Variants in SLC6A17 observed in about 807,000 individuals in gnomAD.
The protein encoded by SLC6A17 is sodium-dependent neutral amino acid transporter SLC6A17.
In SLC6A17, 21 loss-of-function variants were observed where a neutral mutation model predicts 64.5. The observed-to-expected ratio is 0.33, with a 90% CI of 0.23 to 0.47. The LOEUF (loss-of-function observed/expected upper bound fraction) is 0.47. Among genes scored for constraint, SLC6A17 ranks in the 20% least tolerant of loss-of-function variants. The pLI, the probability that SLC6A17 is intolerant of heterozygous loss-of-function variation, is 1.00. For synonymous variants in SLC6A17, 372 were observed against 399.5 expected (o/e 0.93, Z 0.82); for missense variants, 682 against 963.2 (o/e 0.71, Z 3.86).
At chr1:110,170,853 G>A (rs1656204545) in intron 2 of SLC6A17, among the ~76,000 whole-genome samples, 1 of 151,828 alleles carries the variant, frequency 6.6e-6, no homozygotes, top group Non-Finnish European at 1.5e-5. Context: ...TGTGGTGTGT[G>A]TGTGTGTGTG....
intron 1 of SLC6A17, chr1:110,166,084 G>A (rs141283893): frequency 2.0e-5 from 3 of 152,344 alleles, no homozygotes; most frequent in African/African-American, 7.2e-5. Flanking sequence ...GCTGAAGGAT[G>A]GAGAACCAGC....
chr1:110,168,299 TAAC>T (rs1043611753), intron 2 of SLC6A17: 6 of 152,232 alleles, frequency 3.9e-5, no homozygotes, highest in African/African-American at 1.4e-4. Context: ...TCTTGCCATG[TAAC>T]CTTTTCCAAA....
intron 6 of SLC6A17, among the ~76,000 whole-genome samples, chr1:110,183,404 T>C (rs1296027762): frequency 6.6e-6 from 1 of 152,144 alleles, no homozygotes; most frequent in African/African-American, 2.4e-5. Context: ...TGATATGAAA[T>C]GTCCAGAATA....
intron 1 of SLC6A17, among the ~76,000 whole-genome samples, chr1:110,152,525 G>C (rs1173532062): frequency 6.6e-6 from 1 of 152,226 alleles, no homozygotes; most frequent in East Asian, 1.9e-4. Flanking sequence ...CTCTGAAGGA[G>C]CTAAGCAGAG....
In SLC6A17 at chr1:110,197,505, T is replaced by C; in HGVS notation, c.1721T>C (p.Phe574Ser). Residue 574 changes from phenylalanine to serine, a missense_variant, in exon 11 of 12, where the codon TTC (phenylalanine) becomes TCC (serine). This residue lies in a region of SLC6A17 where 264 missense variants were observed against 339.5 expected (regional missense o/e 0.78). Transcript: ENST00000331565. ...PYRFYFYMWK[F>S]VSPLCMAVLT... ...CGCTTCTATTTCTACATGTGGAAGT[T>C]CGTGTCTCCACTATGCATGGCTGTG... 1.2e-6 allele frequency: 2 copies of C among 1,613,852 alleles called. No homozygotes were observed. Among genetic ancestry groups the C allele is most frequent in the Non-Finnish European group, 1.7e-6 (2 of 1,179,960 alleles).
intron 6 of SLC6A17, among the ~76,000 whole-genome samples, chr1:110,184,512 C>T (rs1656626848): frequency 6.6e-6 from 1 of 152,164 alleles, no homozygotes; most frequent in Non-Finnish European, 1.5e-5. Flanking sequence ...CTGGAGAGGT[C>T]GGTACTCTCA....
rs1656838613 is a variant in SLC6A17, at chr1:110,192,002, C to T, written c.895C>T (p.Arg299Trp). 4.3e-6 allele frequency: 7 copies of T among 1,613,636 alleles called. No homozygotes were observed. Among genetic ancestry groups the T allele is most frequent in the African/African-American group, 1.3e-5 (1 of 74,904 alleles). ...CAAGATGCTGGACCCCCAGGTGTGG[C>T]GGGAGGCAGCTACCCAGGTCTTCTT... Reference protein sequence around the residue: ...LDKMLDPQVWREAATQVFFAL... With the variant: ...LDKMLDPQVWWEAATQVFFAL... Residue 299 changes from arginine (R) to tryptophan (W), a missense_variant, in exon 7 of 12, where the codon CGG becomes TGG. Arg to Trp is a moderately radical substitution (Grantham distance 101). Coordinates refer to ENST00000331565, the MANE Select transcript of SLC6A17 (RefSeq NM_001010898.4). The surrounding 1 kb of genome is among the most constrained non-coding windows in gnomAD (Gnocchi z 4.3).
chr1:110,193,328 G>A (rs1030609325), intron 8 of SLC6A17, among the ~76,000 whole-genome samples: 6 of 152,198 alleles, frequency 3.9e-5, no homozygotes, highest in African/African-American at 1.4e-4. Context: ...ATGACTCTTA[G>A]ACTTTAGGGT....
chr1:110,173,365 G>A (rs1656290839), intron 3 of SLC6A17, among the ~76,000 whole-genome samples: 1 of 152,204 alleles, frequency 6.6e-6, no homozygotes, highest in African/African-American at 2.4e-5. Context: ...CCTGCCCATA[G>A]AAACATTGCT....
At chr1:110,183,769 G>A (rs1656592184) in intron 6 of SLC6A17, among the ~76,000 whole-genome samples, 1 of 152,186 alleles carries the variant, frequency 6.6e-6, no homozygotes, top group South Asian at 2.1e-4. Flanking sequence ...ACGCTGGCAG[G>A]TGAGATGCTG....
intron 6 of SLC6A17, among the ~76,000 whole-genome samples, chr1:110,183,577 G>A (rs1266250117): frequency 3.9e-5 from 6 of 152,138 alleles, no homozygotes; most frequent in African/African-American, 1.4e-4. Flanking sequence ...AGTGTGATAC[G>A]CTAAAAACGA....
intron 6 of SLC6A17, among the ~76,000 whole-genome samples, chr1:110,184,795 A>T (rs1461214508): frequency 6.6e-6 from 1 of 152,222 alleles, no homozygotes; most frequent in African/African-American, 2.4e-5. Context: ...GTATATGTGT[A>T]TGTAATGTAT....
chr1:110,185,251 G>T (rs1464856010), intron 6 of SLC6A17, among the ~76,000 whole-genome samples: 1 of 152,256 alleles, frequency 6.6e-6, no homozygotes, highest in African/African-American at 2.4e-5. Flanking sequence ...AAAGTGCTTA[G>T]GACTGCTCCT....
rs76904341 is a variant in SLC6A17, at chr1:110,162,145, C to T, written c.-87-4698C>T. Among the ~76,000 whole-genome samples, 1,072 of 152,338 alleles carry T rather than the reference C, an allele frequency of 7.0e-3. 4 individuals are homozygous for T. The highest frequency in any genetic ancestry group is 0.024 in the Middle Eastern group (7 of 294). On this transcript the variant is annotated intron_variant, in intron 1 of 11. Transcript: ENST00000331565. ...GAGAGTACCTTGCAGCTTCATCATC[C>T]GACGTGTTGCTCGTGAAAGCCACTT...
At chr1:110,167,305 C>T in intron 2 of SLC6A17, 90 bp downstream of exon 2, 1 of 1,472,040 alleles carries the variant, frequency 6.8e-7, no homozygotes, top group Non-Finnish European at 9.1e-7. Context: ...TGAGGCAGAA[C>T]TGGAGCCCTT....
At chr1:110,171,890 G>A (rs1656234362) in intron 2 of SLC6A17, among the ~76,000 whole-genome samples, 170 bp from the exon 3 acceptor site, 2 of 152,168 alleles carry the variant, frequency 1.3e-5, no homozygotes, top group Non-Finnish European at 1.5e-5. Context: ...GGGCTGCTGT[G>A]TGGTAGGCCA....
rs200671515 is a variant in SLC6A17 at position 110,198,257 on chromosome 1, A to G, written c.1997A>G (p.Asn666Ser). The G allele has an allele frequency of 2.5e-6, 4 of 1,614,022 alleles. No individual in the cohort carries two copies. The South Asian group carries it at 3.3e-5, about 13-fold the overall frequency. Residue 666 changes from asparagine to serine, a missense_variant, in exon 12 of 12, where the codon AAC becomes AGC. Physicochemically the swap from Asn to Ser is conservative, Grantham distance 46. This residue lies in a region of SLC6A17 where 264 missense variants were observed against 339.5 expected (regional missense o/e 0.78). Transcript: ENST00000331565. ...KKGRMMKDIS[N>S]LEENDETRFI... ...GGCCGCATGATGAAGGACATCTCCA[A>G]CCTGGAGGAGAACGATGAGACCCGC...
chr1:110,174,118 T>C lies in SLC6A17; in HGVS notation c.571+19T>C. 2 of 1,613,278 alleles carry C rather than the reference T, an allele frequency of 1.2e-6. No homozygotes were observed. Among genetic ancestry groups the C allele is most frequent in the Non-Finnish European group, 1.7e-6 (2 of 1,179,622 alleles). ...GTGGCAGGCAAGTATGGGGCCCAGC[T>C]GGGGATGCCAGCCAGCCCTGTCCCA... On this transcript the variant is annotated intron_variant, in intron 4 of 11. Coordinates refer to ENST00000331565, the MANE Select transcript of SLC6A17 (RefSeq NM_001010898.4).
intron 1 of SLC6A17, among the ~76,000 whole-genome samples, chr1:110,160,423 C>T (rs1199097507): frequency 6.6e-6 from 1 of 152,234 alleles, no homozygotes; most frequent in Non-Finnish European, 1.5e-5. Context: ...CCATGTTCTG[C>T]CCACAGAAAT....
Sources: allele counts gnomAD v4.1 joint callset (sites outside exome capture counted in the v4.1 genomes callset), GRCh38; gene constraint gnomAD v4.1.1; regional missense constraint gnomAD v4.1.1; non-coding constraint Gnocchi (gnomAD v3.1); transcripts MANE v1.5; gene names NCBI Gene and HGNC (gene_info 2026-07-23, HGNC 2026-07-21).